The following PDE3B variants were observed in gnomAD, a reference collection of about 807,000 sequenced individuals.
The protein encoded by PDE3B is phosphodiesterase 3B.
Under a neutral mutation model 116.8 loss-of-function variants are expected in PDE3B, and 66 were observed. That is an observed-to-expected ratio of 0.56 (90% CI 0.46 to 0.69). PDE3B has a LOEUF of 0.69. PDE3B is among the 30% of genes least tolerant of loss of function. PDE3B has a pLI of 0.00. For synonymous variants in PDE3B, 595 were observed against 533.6 expected (o/e 1.12, Z -1.59); for missense variants, 1,384 against 1,368.1 (o/e 1.01, Z -0.18).
chr11:14,805,424 T>A (rs1017277322), intron 5 of PDE3B, among the ~76,000 whole-genome samples: 1 of 151,450 alleles, frequency 6.6e-6, no homozygotes, highest in Non-Finnish European at 1.5e-5. Context: ...GGAATAAAAA[T>A]TTTTTTTAGT....
chr11:14,679,769 A>G (rs891304007), intron 1 of PDE3B, among the ~76,000 whole-genome samples: 3 of 150,850 alleles, frequency 2.0e-5, no homozygotes, highest in African/African-American at 7.3e-5. Flanking sequence ...TTTTTCCCTT[A>G]CTCTACTCGA....
chr11:14,644,265 G>A lies in PDE3B; in HGVS notation c.190G>A (p.Ala64Thr). Residue 64 changes from alanine (A) to threonine (T), a missense_variant, in exon 1 of 16, where the codon GCC (alanine) becomes ACC (threonine). Physicochemically the swap from Ala to Thr is moderately conservative, Grantham distance 58. Transcript: ENST00000282096. ...FCNVELRPPPASPQQPRRCSP... is the reference protein window; with the variant it reads ...FCNVELRPPPTSPQQPRRCSP... The stretch of plus-strand genomic sequence containing the variant: ...CAACGTGGAGCTGCGGCCGCCGCCG[G>A]CCTCTCCCCAGCAGCCGCGGCGCTG... The A allele has an allele frequency of 6.4e-7, 1 of 1,568,806 alleles. No individual in the cohort carries two copies. The highest frequency in any genetic ancestry group is 8.6e-7 in the Non-Finnish European group (1 of 1,164,618).
chr11:14,861,301 C>T lies in PDE3B; in HGVS notation c.2821C>T (p.Pro941Ser), dbSNP rs1555007119. The T allele has an allele frequency of 3.7e-6, 6 of 1,613,684 alleles. No individual in the cohort carries two copies. The highest frequency in any genetic ancestry group is 4.2e-6 in the Non-Finnish European group (5 of 1,179,796). Residue 941 changes from proline (P) to serine (S), a missense_variant, in exon 14 of 16, where the codon CCA (proline) becomes TCA (serine). By Grantham distance (74) the Pro-to-Ser change is moderately conservative. This residue lies in a region of PDE3B where 428 missense variants were observed against 561.4 expected (regional missense o/e 0.76). Transcript: ENST00000282096. ...VCIKLADING[P>S]AKVRDLHLKW... ...CATCAAACTGGCAGATATAAATGGC[C>T]CAGCAAAAGTTCGAGACTTGCATTT...
chr11:14,788,441 G>C (rs1479267490), intron 3 of PDE3B, among the ~76,000 whole-genome samples: 1 of 151,936 alleles, frequency 6.6e-6, no homozygotes, highest in Non-Finnish European at 1.5e-5. Context: ...ATATAAGACA[G>C]ATACTTATCT....
the PDE3B span, among the ~76,000 whole-genome samples, chr11:14,882,104 C>T: frequency 6.6e-6 from 1 of 151,964 alleles, no homozygotes; most frequent in African/African-American, 2.4e-5. Flanking sequence ...TTCTATACTC[C>T]CAGATGACTA....
chr11:14,778,662 T>A (rs1565132651), intron 2 of PDE3B, among the ~76,000 whole-genome samples: 1 of 152,178 alleles, frequency 6.6e-6, no homozygotes, highest in African/African-American at 2.4e-5. Flanking sequence ...GAACCCCGTC[T>A]GACGTCACCA....
chr11:14,755,480 A>G (rs942047226), intron 1 of PDE3B, among the ~76,000 whole-genome samples: 1 of 152,206 alleles, frequency 6.6e-6, no homozygotes, highest in Non-Finnish European at 1.5e-5. Flanking sequence ...ATACTTAAAT[A>G]AAATAACGTG....
intron 1 of PDE3B, among the ~76,000 whole-genome samples, chr11:14,702,894 C>T (rs985457310): frequency 6.6e-6 from 1 of 151,948 alleles, no homozygotes; most frequent in African/African-American, 2.4e-5. Flanking sequence ...AAGAGTTGCT[C>T]CTAGAGTTAC....
At chr11:14,702,328 A>G (rs1303555180) in intron 1 of PDE3B, among the ~76,000 whole-genome samples, 1 of 151,692 alleles carries the variant, frequency 6.6e-6, no homozygotes, top group Non-Finnish European at 1.5e-5. Flanking sequence ...CATTCCTCCT[A>G]CTTCCTAATT....
At chr11:14,755,335 A>G (rs1590117459) in intron 1 of PDE3B, among the ~76,000 whole-genome samples, 1 of 152,212 alleles carries the variant, frequency 6.6e-6, no homozygotes. Context: ...CCGTATTTCA[A>G]AATCTGTTTA....
chr11:14,892,395 T>G, the PDE3B span: 1 of 624,906 alleles, frequency 1.6e-6, no homozygotes, highest in Admixed American at 2.9e-5. Flanking sequence ...AGAGTGGACT[T>G]TGCGGAGCGG....
chr11:14,836,717 A>C (rs565071526), intron 11 of PDE3B, among the ~76,000 whole-genome samples: 1 of 152,332 alleles, frequency 6.6e-6, no homozygotes, highest in African/African-American at 2.4e-5. Context: ...CAAGGCATCA[A>C]CAGAACTATT....
chr11:14,837,057 G>A (rs1429054876), intron 11 of PDE3B, among the ~76,000 whole-genome samples: 1 of 152,140 alleles, frequency 6.6e-6, no homozygotes. Flanking sequence ...CAGGCAATCC[G>A]CCCACCTCAG....
intron 1 of PDE3B, among the ~76,000 whole-genome samples, chr11:14,651,970 G>C (rs990698791): frequency 6.6e-6 from 1 of 152,120 alleles, no homozygotes; most frequent in East Asian, 1.9e-4. Flanking sequence ...CAATTTTGAT[G>C]AAGTTTATCT....
At chr11:14,703,699 C>G (rs1855442822) in intron 1 of PDE3B, among the ~76,000 whole-genome samples, 1 of 151,674 alleles carries the variant, frequency 6.6e-6, no homozygotes, top group East Asian at 1.9e-4. Flanking sequence ...TTATGTGGAA[C>G]AGTTTGTACA....
chr11:14,860,377 T>TA (rs1565168984), intron 13 of PDE3B, among the ~76,000 whole-genome samples: 2 of 142,708 alleles, frequency 1.4e-5, no homozygotes, highest in Non-Finnish European at 3.0e-5. Context: ...ACATATATAT[T>TA]TTTTTTTTTC....
rs562312717 is a variant in PDE3B at position 14,777,956 on chromosome 11, G to A, written c.1029+5969G>A. On this transcript the variant is annotated intron_variant, in intron 2 of 15. Transcript: ENST00000282096. ...TGGAAAATCGGGCAACTCCCACTGC[G>A]CTTTTCCACCTAATACTGCGCTTTT... is the stretch of plus-strand genomic sequence containing the variant. Among the ~76,000 whole-genome samples the A allele has an allele frequency of 4.7e-4, 71 of 152,260 alleles. 1 individual carries two copies. The South Asian group carries it at 5.2e-3, about 11-fold the overall frequency.
At chr11:14,789,329 A>G in intron 4 of PDE3B, 87 bp downstream of exon 4, 1 of 1,023,862 alleles carries the variant, frequency 9.8e-7, no homozygotes, top group Non-Finnish European at 1.5e-6. Flanking sequence ...TTCTGGAAGC[A>G]GAAAGGAATG....
At chr11:14,780,416 T>G (rs1857952176) in intron 2 of PDE3B, among the ~76,000 whole-genome samples, 1 of 152,164 alleles carries the variant, frequency 6.6e-6, no homozygotes, top group African/African-American at 2.4e-5. Context: ...TAGTTGGAAG[T>G]AAAGCACTCC....
Sources: allele counts gnomAD v4.1 joint callset (sites outside exome capture counted in the v4.1 genomes callset), GRCh38; gene constraint gnomAD v4.1.1; regional missense constraint gnomAD v4.1.1; transcripts MANE v1.5; gene names NCBI Gene and HGNC (gene_info 2026-07-23, HGNC 2026-07-21).